Variants in SORCS1 observed in about 807,000 individuals in gnomAD.
SORCS1 encodes the protein sortilin related VPS10 domain containing receptor 1.
A neutral mutation model predicts 146.1 loss-of-function variants in SORCS1; 60 were observed. That is an observed-to-expected ratio of 0.41 (90% CI 0.33 to 0.51). The LOEUF (loss-of-function observed/expected upper bound fraction) is 0.51. SORCS1 is among the 20% of genes least tolerant of loss of function. SORCS1 has a pLI of 0.21. For missense variants in SORCS1, 1,352 were observed against 1,487.6 expected (o/e 0.91, Z 1.50); for synonymous variants, 637 against 584.0 (o/e 1.09, Z -1.31).
chr10:106,600,483 C>G, intron 23 of SORCS1: 1 of 983,504 alleles, frequency 1.0e-6, no homozygotes, highest in Non-Finnish European at 1.2e-6. Context: ...TGCTTTTCTA[C>G]TGAAATGAGT....
intron 4 of SORCS1, among the ~76,000 whole-genome samples, chr10:106,764,534 A>G (rs748650356): frequency 2.6e-5 from 4 of 152,158 alleles, no homozygotes; most frequent in Non-Finnish European, 5.9e-5. Context: ...TCTGACTCCA[A>G]GGTTTCTTTT....
intron 2 of SORCS1, among the ~76,000 whole-genome samples, chr10:106,876,751 A>T (rs1013804110): frequency 8.5e-5 from 13 of 152,288 alleles, no homozygotes; most frequent in African/African-American, 3.1e-4. Context: ...TCATTACTTA[A>T]TTCGTTCAGT....
intron 18 of SORCS1, among the ~76,000 whole-genome samples, chr10:106,634,032 T>A (rs1056674690): frequency 5.9e-5 from 9 of 152,182 alleles, no homozygotes; most frequent in African/African-American, 1.9e-4. Context: ...CTGATTTTAA[T>A]ATGATGAAAA....
intron 1 of SORCS1, among the ~76,000 whole-genome samples, chr10:107,037,676 C>T (rs1958963363): frequency 6.6e-6 from 1 of 152,168 alleles, no homozygotes; most frequent in Admixed American, 6.5e-5. Context: ...CTTATAATAT[C>T]CCTTTGAGGT....
chr10:106,952,221 G>C (rs1464016387), intron 2 of SORCS1, among the ~76,000 whole-genome samples: 1 of 152,082 alleles, frequency 6.6e-6, no homozygotes. Flanking sequence ...CTTCTTCCTT[G>C]GCAATAATAG....
intron 3 of SORCS1, among the ~76,000 whole-genome samples, chr10:106,800,435 T>C (rs2136633715): frequency 6.6e-6 from 1 of 152,070 alleles, no homozygotes; most frequent in East Asian, 1.9e-4. Flanking sequence ...GATTTCTGTG[T>C]CTGTGTGTTA....
chr10:107,059,447 A>C (rs2134104810), intron 1 of SORCS1, among the ~76,000 whole-genome samples: 1 of 152,322 alleles, frequency 6.6e-6, no homozygotes, highest in East Asian at 1.9e-4. Flanking sequence ...TCCACTGTTT[A>C]AAGGCATTAT....
intron 1 of SORCS1, among the ~76,000 whole-genome samples, chr10:107,032,136 G>A (rs1564949518): frequency 6.6e-6 from 1 of 152,000 alleles, no homozygotes; most frequent in East Asian, 1.9e-4. Context: ...AGTTTGAATT[G>A]GATCTGTTGC....
chr10:106,592,229 AC>A (rs1390775049), intron 24 of SORCS1, among the ~76,000 whole-genome samples: 1 of 152,170 alleles, frequency 6.6e-6, no homozygotes, highest in Non-Finnish European at 1.5e-5. Context: ...CTGCATGAAA[AC>A]CAAGAACCAC....
intron 24 of SORCS1, among the ~76,000 whole-genome samples, chr10:106,590,168 G>T (rs1025250770): frequency 2.0e-5 from 3 of 152,008 alleles, no homozygotes; most frequent in Non-Finnish European, 4.4e-5. Flanking sequence ...GTGCCTTTGT[G>T]CAACCTGGCC....
chr10:106,829,417 T>A (rs934377410), intron 3 of SORCS1, among the ~76,000 whole-genome samples, 157 bp downstream of exon 3: 3 of 152,206 alleles, frequency 2.0e-5, no homozygotes, highest in African/African-American at 7.2e-5. Flanking sequence ...AAAATTATGA[T>A]GTGTCAGACA....
chr10:106,907,154 A>T (rs1300715054), intron 2 of SORCS1, among the ~76,000 whole-genome samples: 1 of 152,184 alleles, frequency 6.6e-6, no homozygotes, highest in East Asian at 1.9e-4. Context: ...GAATCTTTGC[A>T]AGATTTTCTT....
At chr10:106,771,364 C>T (rs528133239) in intron 4 of SORCS1, among the ~76,000 whole-genome samples, 6 of 152,152 alleles carry the variant, frequency 3.9e-5, no homozygotes, top group Non-Finnish European at 2.9e-5. Flanking sequence ...ACAGTTTGTA[C>T]ACTAGTTTAT....
At chr10:106,769,625 A>T (rs2136313044) in intron 4 of SORCS1, among the ~76,000 whole-genome samples, 1 of 152,314 alleles carries the variant, frequency 6.6e-6, no homozygotes, top group East Asian at 1.9e-4. Flanking sequence ...GTAGAGAGAG[A>T]AAGAAGGCAG....
rs375199710 is a variant in SORCS1, at chr10:106,663,044, T to C, written c.2303+4645A>G. On this transcript the variant is annotated intron_variant, in intron 17 of 25. Transcript: ENST00000263054. ...CTCCAATTGCCAAAAGAGACTTAAT[T>C]ATCTTTGTATTATTTGTATAACAAG... is the stretch of plus-strand genomic sequence containing the variant. Among the ~76,000 whole-genome samples the C allele has an allele frequency of 2.0e-4, 31 of 152,334 alleles. No individual in the cohort carries two copies. The East Asian group carries it at 2.1e-3, about 10-fold the overall frequency.
intron 1 of SORCS1, among the ~76,000 whole-genome samples, chr10:106,979,483 C>T (rs1956165048): frequency 1.3e-5 from 2 of 151,968 alleles, no homozygotes; most frequent in Non-Finnish European, 2.9e-5. Context: ...ATTATTAGCC[C>T]TCAGTATGTT....
intron 3 of SORCS1, among the ~76,000 whole-genome samples, chr10:106,779,405 A>T (rs1362832155): frequency 1.3e-5 from 2 of 152,192 alleles, no homozygotes; most frequent in African/African-American, 4.8e-5. Flanking sequence ...CAAAAGAAAA[A>T]GAAAACAAAC....
intron 1 of SORCS1, among the ~76,000 whole-genome samples, chr10:107,054,362 T>C (rs868504139): frequency 2.1e-4 from 32 of 152,248 alleles, no homozygotes; most frequent in Middle Eastern, 3.4e-3. Context: ...ATGTAATAAT[T>C]GGGAACTTTT....
intron 2 of SORCS1, among the ~76,000 whole-genome samples, chr10:106,876,191 A>G (rs1950582079): frequency 6.6e-6 from 1 of 152,210 alleles, no homozygotes; most frequent in Non-Finnish European, 1.5e-5. Flanking sequence ...ACTGTAAGGA[A>G]TGCAGCTTCT....
Sources: gnomAD v4.1 joint callset for allele counts (sites outside exome capture counted in the v4.1 genomes callset) on GRCh38, gnomAD v4.1.1 for gene constraint, MANE v1.5 for transcripts, NCBI Gene and HGNC (gene_info 2026-07-23, HGNC 2026-07-21) for gene names.